The following CENPT variants were observed in gnomAD, a reference collection of about 807,000 sequenced individuals.
CENPT encodes the protein centromere protein T, also known as interphase centromere complex protein 22.
In CENPT, 42 loss-of-function variants were observed where a neutral mutation model predicts 59.7. The ratio of observed to expected loss-of-function variants is 0.70; its 90% confidence interval spans 0.55 to 0.91. CENPT has a LOEUF of 0.91. CENPT is among the 40% of genes least tolerant of loss of function. CENPT has a pLI of 0.00. For synonymous variants in CENPT, 295 were observed against 289.6 expected (o/e 1.02, Z -0.19); for missense variants, 716 against 713.4 (o/e 1.00, Z -0.04).
At position 67,842,825 on chromosome 16, in the gene CENPT, G is replaced by A; in HGVS notation, c.-492+4576C>T. 1 of 1,610,106 alleles carries A rather than the reference G, an allele frequency of 6.2e-7. No individual in the cohort carries two copies. The highest frequency in any genetic ancestry group is 8.5e-7 in the Non-Finnish European group (1 of 1,179,296). Reference sequence around the variant, plus strand: ...GCGCGGCGTCAATGAGCGCAAAGTAGCGCGCAGACCCGCTGGGGCCGCGGC... The same window carrying A: ...GCGCGGCGTCAATGAGCGCAAAGTAACGCGCAGACCCGCTGGGGCCGCGGC... On this transcript the variant is annotated intron_variant, in intron 1 of 15. Coordinates refer to ENST00000562787, the MANE Select transcript of CENPT (RefSeq NM_025082.4). This position sits in a 1 kb window ranked among gnomAD's most constrained non-coding sequence, Gnocchi z 4.9.
rs200885136 is a variant in CENPT, at chr16:67,832,540, C to T, written c.116G>A (p.Arg39Gln). The change falls in exon 5 of 16, where the codon CGG becomes CAG. Residue 39 changes from arginine to glutamine, a missense_variant. Coordinates refer to ENST00000562787, the MANE Select transcript of CENPT (RefSeq NM_025082.4). ...RRPRSARAGARRALLETASPR... is the reference protein window; with the variant it reads ...RRPRSARAGAQRALLETASPR... Reference sequence around the variant, plus strand: ...GGAAGCCGTTTCAAGCAGGGCTCTCCGGGCTCTGTGTAAAGACCAGCAATT... The same window carrying T: ...GGAAGCCGTTTCAAGCAGGGCTCTCTGGGCTCTGTGTAAAGACCAGCAATT... 1,967 of 1,613,760 alleles carry T rather than the reference C, an allele frequency of 1.2e-3. 24 individuals carry two copies. Among genetic ancestry groups the T allele is most frequent in the Middle Eastern group, 3.3e-3 (20 of 6,058 alleles).
chr16:67,832,096 G>A lies in CENPT; in HGVS notation c.302C>T (p.Ser101Phe), dbSNP rs768476304. The change falls in exon 7 of 16, where the codon TCC (serine) becomes TTC (phenylalanine). Residue 101 changes from serine to phenylalanine, a missense_variant. Transcript: ENST00000562787. ...KNILLTAPESSILMPESVVKP... is the reference protein window; with the variant it reads ...KNILLTAPESFILMPESVVKP... ...CACTACCGACTCAGGCATCAGGATG[G>A]AAGATTCTGGGGCTGCAGAAACACC... 6.2e-7 allele frequency: 1 copy of A among 1,612,094 alleles called. No homozygotes were observed. Among genetic ancestry groups the A allele is most frequent in the Admixed American group, 1.7e-5 (1 of 59,916 alleles).
chr16:67,847,096 C>G (rs572116028), intron 1 of CENPT: 2 of 150,142 alleles, frequency 1.3e-5, no homozygotes, highest in East Asian at 4.0e-4. Flanking sequence ...CCTCCCCCCC[C>G]CCCGGCGGCC....
chr16:67,846,886 T>A (rs970273066), intron 1 of CENPT: 1 of 151,830 alleles, frequency 6.6e-6, no homozygotes, highest in Non-Finnish European at 1.5e-5. Flanking sequence ...TCTCCCAGAG[T>A]GCAGCGGGGC....
chr16:67,845,327 A>AT (rs2057790003), intron 1 of CENPT, among the ~76,000 whole-genome samples: 1 of 152,180 alleles, frequency 6.6e-6, no homozygotes, highest in African/African-American at 2.4e-5. Context: ...ACATGCTGGG[A>AT]TGGTCCTAAA....
chr16:67,833,838 T>C lies in CENPT; in HGVS notation c.22A>G (p.Ser8Gly), dbSNP rs766145204. 2.7e-5 allele frequency: 42 copies of C among 1,568,342 alleles called. No homozygotes were observed. Among genetic ancestry groups the C allele is most frequent in the Non-Finnish European group, 3.4e-5 (40 of 1,159,904 alleles). Reference protein sequence around the residue: MADHNPDSDSTPRTLLRR... With the variant: MADHNPDGDSTPRTLLRR... ...AGCAGCGTGCGCGGCGTGGAGTCGC[T>C]GTCAGGGTTGTGGTCAGCCATCGTC... is the stretch of plus-strand genomic sequence containing the variant. The change falls in exon 4 of 16, where the codon AGC becomes GGC. Residue 8 changes from serine (S) to glycine (G), a missense_variant. By Grantham distance (56) the Ser-to-Gly change is moderately conservative. Transcript: ENST00000562787.
chr16:67,830,654 G>T, intron 10 of CENPT, 106 bp from the exon 11 acceptor site: 1 of 1,204,888 alleles, frequency 8.3e-7, no homozygotes, highest in South Asian at 1.3e-5. Flanking sequence ...GCGTTGCCAG[G>T]GCCTGGACAG....
Position 67,842,590 on chromosome 16 carries a change from C to T in CENPT, c.-492+4811G>A, listed in dbSNP as rs867345356. On this transcript the variant is annotated intron_variant, in intron 1 of 15. Coordinates refer to ENST00000562787, the MANE Select transcript of CENPT (RefSeq NM_025082.4). This position sits in a 1 kb window ranked among gnomAD's most constrained non-coding sequence, Gnocchi z 4.9. ...TTACGTGCTGCGTGCCAGGCTGCTA[C>T]AACAACTCGCACCGGGACAAGGCGC... The T allele has an allele frequency of 3.9e-6, 6 of 1,546,392 alleles. No individual in the cohort carries two copies. Among genetic ancestry groups the T allele is most frequent in the Admixed American group, 3.9e-5 (2 of 50,780 alleles).
In CENPT at chr16:67,833,993, G is replaced by T. The variant is rs1422003264; in HGVS notation, c.-134C>A. 4 of 588,774 alleles carry T rather than the reference G, an allele frequency of 6.8e-6. No individual in the cohort carries two copies. The highest frequency in any genetic ancestry group is 2.0e-5 in the African/African-American group (1 of 51,006). 36.5% of individuals were successfully genotyped at this position (588,774 alleles called of 1,614,324 possible). A position where few individuals can be genotyped will look rare whatever the true frequency, so the allele number is the denominator to read the frequency against. On this transcript the variant is annotated 5_prime_UTR_variant, in exon 4 of 16. Transcript: ENST00000562787. ...TGTAGTTCTCGCACTATCGCAGCTC[G>T]CGGGGTGGACAGTGATGGTTGCAAA...
intron 4 of CENPT, among the ~76,000 whole-genome samples, chr16:67,833,129 T>C (rs1434591376): frequency 2.0e-5 from 3 of 152,284 alleles, no homozygotes; most frequent in Admixed American, 6.5e-5. Context: ...CTCTGCACCA[T>C]GAGCTCACCA....
chr16:67,831,432 C>A, intron 9 of CENPT, 74 bp from the exon 10 acceptor site: 1 of 1,579,228 alleles, frequency 6.3e-7, no homozygotes. Context: ...CTCCATCTGC[C>A]CTGGGGCTCT....
chr16:67,842,949 A>C lies in CENPT; in HGVS notation c.-492+4452T>G, dbSNP rs764025720. ...CAGCAGCAGCAGCAGCAGCAGCAGC[A>C]GTCCTCACCCTCTGCCTCCACTGCC... On this transcript the variant is annotated intron_variant, in intron 1 of 15. Transcript: ENST00000562787. The surrounding 1 kb of genome is among the most constrained non-coding windows in gnomAD (Gnocchi z 4.9). 139 of 1,607,670 alleles carry C rather than the reference A, an allele frequency of 8.6e-5. No individual in the cohort carries two copies. Among genetic ancestry groups the C allele is most frequent in the Non-Finnish European group, 1.1e-4 (135 of 1,178,960 alleles).
intron 10 of CENPT, chr16:67,830,822 A>G (rs1240835287): frequency 1.9e-6 from 1 of 528,128 alleles, no homozygotes; most frequent in Non-Finnish European, 3.4e-6. Flanking sequence ...CCCACTTAAA[A>G]TACCTCTTCG....
intron 3 of CENPT, among the ~76,000 whole-genome samples, chr16:67,834,490 G>C (rs1432927057): frequency 1.3e-5 from 2 of 152,062 alleles, no homozygotes; most frequent in Non-Finnish European, 2.9e-5. Flanking sequence ...ATGGTGGTGC[G>C]CGCCTGTAGT....
At chr16:67,834,406 G>A (rs1036802148) in intron 3 of CENPT, among the ~76,000 whole-genome samples, 1 of 152,084 alleles carries the variant, frequency 6.6e-6, no homozygotes, top group Non-Finnish European at 1.5e-5. Flanking sequence ...TCAGGAGTTC[G>A]AGAGCAGCCT....
At position 67,842,467 on chromosome 16, in the gene CENPT, CCCG is replaced by C; in HGVS notation, c.-492+4931_-492+4933del. On this transcript the variant is annotated intron_variant, in intron 1 of 15. Coordinates refer to ENST00000562787, the MANE Select transcript of CENPT (RefSeq NM_025082.4). This position sits in a 1 kb window ranked among gnomAD's most constrained non-coding sequence, Gnocchi z 4.9. Reference sequence around the variant, plus strand: ...CCACCCAAGGCCTCGCGCGGCGCCGCCCGTCGAGGGGCGGGCGGCGGCGTAGCC... The same window carrying C: ...CCACCCAAGGCCTCGCGCGGCGCCGCTCGAGGGGCGGGCGGCGGCGTAGCC... The C allele has an allele frequency of 9.0e-7, 1 of 1,112,726 alleles. No individual in the cohort carries two copies. Among genetic ancestry groups the C allele is most frequent in the Non-Finnish European group, 1.1e-6 (1 of 877,636 alleles). 68.9% of individuals were successfully genotyped at this position (1,112,726 alleles called of 1,614,324 possible).
At position 67,843,088 on chromosome 16, in the gene CENPT, C is replaced by G; in HGVS notation, c.-492+4313G>C. 38 of 1,611,344 alleles carry G rather than the reference C, an allele frequency of 2.4e-5. No individual in the cohort carries two copies. Among genetic ancestry groups the G allele is most frequent in the Non-Finnish European group, 3.2e-5 (38 of 1,180,006 alleles). On this transcript the variant is annotated intron_variant, in intron 1 of 15. Transcript: ENST00000562787. This position sits in a 1 kb window ranked among gnomAD's most constrained non-coding sequence, Gnocchi z 5.7. ...CGGGATCCGTACAGCCGGCGCCCAT[C>G]ACTCCCACTGGAGAAGACGTGAAGC...
chr16:67,829,187 C>T, intron 13 of CENPT: 1 of 519,028 alleles, frequency 1.9e-6, no homozygotes, highest in Admixed American at 3.8e-5. Flanking sequence ...TTCCAGGAAG[C>T]CTTTTCTGAC....
chr16:67,832,172 C>G lies in CENPT; in HGVS notation c.289+56G>C, dbSNP rs747770807. On this transcript the variant is annotated intron_variant, in intron 6 of 15. Transcript: ENST00000562787. The stretch of plus-strand genomic sequence containing the variant: ...AGGCCACCCTGAATAAAAGATACCA[C>G]AAGACTGGGGTTGGACTGGTACCTA... 120 of 1,608,882 alleles carry G rather than the reference C, an allele frequency of 7.5e-5. 1 individual carries two copies. Among genetic ancestry groups the G allele is most frequent in the Non-Finnish European group, 4.5e-5 (53 of 1,175,498 alleles).
Sources: gnomAD v4.1 joint callset for allele counts (sites outside exome capture counted in the v4.1 genomes callset) on GRCh38, gnomAD v4.1.1 for gene constraint, Gnocchi (gnomAD v3.1) non-coding constraint, MANE v1.5 for transcripts, NCBI Gene and HGNC (gene_info 2026-07-23, HGNC 2026-07-21) for gene names.